UTY: variants seen among roughly 807,000 people sequenced by gnomAD.
The protein encoded by UTY is ubiquitously transcribed tetratricopeptide repeat containing, Y-linked.
UTY carries 12 observed loss-of-function variants against 32.5 expected under a neutral mutation model. That is an observed-to-expected ratio of 0.37 (90% CI 0.24 to 0.60). The LOEUF (loss-of-function observed/expected upper bound fraction) is 0.60, where lower values mean the gene tolerates loss of function less well. Among genes scored for constraint, UTY ranks in the 20% least tolerant of loss-of-function variants. UTY has a pLI of 0.69. For missense variants in UTY, 303 were observed against 299.2 expected (o/e 1.01, Z -0.09); for synonymous variants, 131 against 103.4 (o/e 1.27, Z -1.62).
At chrY:13,235,634 T>G in intron 28 of UTY, among the ~76,000 whole-genome samples, 1 of 33,859 alleles carries the variant, frequency 3.0e-5, no homozygotes, top group African/African-American at 1.2e-4. Context: ...AATTAAACAG[T>G]TCTAAATACA....
chrY:13,408,069 T>A (rs2070315877), intron 6 of UTY, among the ~76,000 whole-genome samples: 1 of 32,560 alleles, frequency 3.1e-5, no homozygotes, highest in South Asian at 6.7e-4. Flanking sequence ...AATAACTTAA[T>A]GAGCACATAG....
intron 4 of UTY, among the ~76,000 whole-genome samples, chrY:13,422,155 C>A (rs2072651245): frequency 6.0e-5 from 2 of 33,383 alleles, no homozygotes; most frequent in Non-Finnish European, 1.5e-4. Flanking sequence ...ATATTTGTCA[C>A]AAAATGTCAA....
chrY:13,288,206 T>A (rs773986182), intron 27 of UTY, among the ~76,000 whole-genome samples: 86 of 30,232 alleles, frequency 2.8e-3, no homozygotes, highest in Non-Finnish European at 4.1e-3. Context: ...TAGACAATAT[T>A]GCATAGCTAA....
At chrY:13,340,373 C>A (rs1036557644) in intron 17 of UTY, among the ~76,000 whole-genome samples, 1 of 32,872 alleles carries the variant, frequency 3.0e-5, no homozygotes, top group Admixed American at 2.7e-4. Context: ...AGTCCACCCC[C>A]CCATGCACCA....
chrY:13,360,011 A>G, intron 11 of UTY, 25 bp from the exon 12 acceptor site: 1 of 365,285 alleles, frequency 2.7e-6, no homozygotes, highest in East Asian at 9.5e-5. Context: ...AATGCTGTCA[A>G]AAACTACTGG....
chrY:13,398,658 A>G, intron 6 of UTY, among the ~76,000 whole-genome samples: 1 of 33,556 alleles, frequency 3.0e-5, no homozygotes, highest in Non-Finnish European at 7.4e-5. Context: ...TAAACTTAAC[A>G]AGGACTTAAA....
At chrY:13,308,664 C>T (rs994832156) in intron 21 of UTY, among the ~76,000 whole-genome samples, 12 of 32,960 alleles carry the variant, frequency 3.6e-4, no homozygotes, top group African/African-American at 1.4e-3. Context: ...GTTATTACAC[C>T]ACATAATCTA....
intron 4 of UTY, among the ~76,000 whole-genome samples, chrY:13,435,034 T>A: frequency 6.0e-5 from 2 of 33,455 alleles, no homozygotes; most frequent in Non-Finnish European, 1.5e-4. Flanking sequence ...ACAAAGAAGT[T>A]CTAATACATA....
chrY:13,401,198 TTC>T (rs2068968508), intron 6 of UTY, among the ~76,000 whole-genome samples: 1 of 33,836 alleles, frequency 3.0e-5, no homozygotes, highest in Admixed American at 2.7e-4. Flanking sequence ...TTCCACCATG[TTC>T]TGACACAGCA....
intron 3 of UTY, among the ~76,000 whole-genome samples, chrY:13,453,448 CTT>C (rs2076474641): frequency 5.8e-5 from 2 of 34,440 alleles, no homozygotes; most frequent in Non-Finnish European, 1.5e-4. Flanking sequence ...AAATTAGAAA[CTT>C]CTGTGCAAAG....
At chrY:13,464,183 A>T (rs778881026) in intron 3 of UTY, among the ~76,000 whole-genome samples, 1 of 34,028 alleles carries the variant, frequency 2.9e-5, no homozygotes, top group African/African-American at 1.1e-4. Context: ...GCAACGATTT[A>T]TCAGCTTTCA....
intron 18 of UTY, among the ~76,000 whole-genome samples, chrY:13,329,324 A>G: frequency 3.0e-5 from 1 of 33,799 alleles, no homozygotes; most frequent in Admixed American, 2.7e-4. Flanking sequence ...ATTTTCTGTT[A>G]ATTTGCATCT....
At chrY:13,392,590 GAAGTA>G (rs2067686698) in intron 8 of UTY, among the ~76,000 whole-genome samples, 1 of 33,718 alleles carries the variant, frequency 3.0e-5, no homozygotes, top group Non-Finnish European at 7.4e-5. Context: ...AGGGAGAAGT[GAAGTA>G]GAGAAACAAA....
intron 4 of UTY, among the ~76,000 whole-genome samples, chrY:13,429,283 G>A (rs2073719746): frequency 3.0e-5 from 1 of 33,612 alleles, no homozygotes; most frequent in African/African-American, 1.2e-4. Flanking sequence ...TTCTCAATAA[G>A]TAGGATGTTG....
intron 27 of UTY, among the ~76,000 whole-genome samples, chrY:13,267,399 T>C: frequency 3.0e-5 from 1 of 33,143 alleles, no homozygotes; most frequent in Non-Finnish European, 7.4e-5. Flanking sequence ...TCTCTTTTTT[T>C]TTGATCCTAA....
intron 8 of UTY, among the ~76,000 whole-genome samples, chrY:13,372,657 T>G (rs927310963): frequency 6.0e-5 from 2 of 33,335 alleles, no homozygotes; most frequent in Admixed American, 2.7e-4. Flanking sequence ...AACAGCAAAG[T>G]GGGACAAAAT....
At chrY:13,454,908 C>T in intron 3 of UTY, among the ~76,000 whole-genome samples, 1 of 22,688 alleles carries the variant, frequency 4.4e-5, no homozygotes, top group African/African-American at 1.8e-4. Context: ...TTCATTCCAG[C>T]CTGGGCGTCA....
chrY:13,294,466 A>T (rs766508974), intron 27 of UTY, among the ~76,000 whole-genome samples: 29 of 34,371 alleles, frequency 8.4e-4, no homozygotes, highest in Admixed American at 7.6e-3. Flanking sequence ...AAATGGCTTA[A>T]AGGCCAAGAC....
chrY:13,479,196 C>A, intron 2 of UTY, 58 bp downstream of exon 2: 1 of 352,758 alleles, frequency 2.8e-6, no homozygotes, highest in Non-Finnish European at 4.1e-6. Context: ...CGGTAAGGAA[C>A]GCGGGGCCTT....
Sources: gnomAD v4.1 joint callset for allele counts (sites outside exome capture counted in the v4.1 genomes callset) on GRCh38, gnomAD v4.1.1 for gene constraint, MANE v1.5 for transcripts, NCBI Gene and HGNC (gene_info 2026-07-23, HGNC 2026-07-21) for gene names.